The following LDLRAD3 variants were observed in gnomAD, a reference collection of about 807,000 sequenced individuals.
The protein encoded by LDLRAD3 is low density lipoprotein receptor class A domain containing 3.
LDLRAD3 carries 20 observed loss-of-function variants against 29.4 expected under a neutral mutation model. The observed-to-expected ratio is 0.68, with a 90% CI of 0.48 to 0.99. The LOEUF is 0.99. Ranked by LOEUF, LDLRAD3 falls within the 50% of genes least tolerant of loss-of-function variation. The pLI, the probability that LDLRAD3 is intolerant of heterozygous loss-of-function variation, is 0.00. For synonymous variants in LDLRAD3, 157 were observed against 192.7 expected (o/e 0.81, Z 1.53); for missense variants, 420 against 454.3 (o/e 0.92, Z 0.69).
At chr11:36,054,858 T>TGGAA (rs1178216753) in intron 2 of LDLRAD3, among the ~76,000 whole-genome samples, 12 of 148,178 alleles carry the variant, frequency 8.1e-5, no homozygotes, top group Non-Finnish European at 1.3e-4. Context: ...GATGGATGGA[T>TGGAA]GGATGGATGA....
At chr11:36,222,108 C>CA (rs1215898650) in intron 4 of LDLRAD3, among the ~76,000 whole-genome samples, 1 of 152,090 alleles carries the variant, frequency 6.6e-6, no homozygotes, top group Non-Finnish European at 1.5e-5. Context: ...CTCGCTCTGT[C>CA]ACTCAGGCTG....
intron 4 of LDLRAD3, among the ~76,000 whole-genome samples, chr11:36,181,875 CCTCT>C (rs919948286): frequency 2.0e-5 from 3 of 151,906 alleles, no homozygotes; most frequent in Non-Finnish European, 2.9e-5. Flanking sequence ...TCAACCGTCT[CCTCT>C]CTCTCTCTGT....
At chr11:35,952,600 A>T (rs1054606357) in intron 1 of LDLRAD3, among the ~76,000 whole-genome samples, 2 of 152,228 alleles carry the variant, frequency 1.3e-5, no homozygotes, top group African/African-American at 4.8e-5. Flanking sequence ...TGAATATATT[A>T]ATGATAGAGA....
intron 4 of LDLRAD3, among the ~76,000 whole-genome samples, chr11:36,116,321 C>G (rs58583042): frequency 0.023 from 3,533 of 152,276 alleles, 136 homozygotes; most frequent in African/African-American, 0.081. Flanking sequence ...AAGAAGCCAG[C>G]GTCCCAGCTT....
At chr11:36,154,212 C>T (rs1854315538) in intron 4 of LDLRAD3, among the ~76,000 whole-genome samples, 1 of 152,140 alleles carries the variant, frequency 6.6e-6, no homozygotes, top group Non-Finnish European at 1.5e-5. Context: ...GAATGCCACA[C>T]CGACTGAAAG....
In LDLRAD3 at chr11:36,121,166, C is replaced by T. The variant is rs547492467; in HGVS notation, c.454+22705C>T. 2.2e-4 allele frequency among the ~76,000 whole-genome samples: 33 copies of T among 152,248 alleles called. 1 individual carries two copies. The South Asian group carries it at 6.0e-3, about 28-fold the overall frequency. On this transcript the variant is annotated intron_variant, in intron 4 of 5. Coordinates refer to ENST00000315571, the MANE Select transcript of LDLRAD3 (RefSeq NM_174902.4). ...TATGCAATTGGATGAAATGAATAAA[C>T]GACCAGAGGAGTAATCCAGACAGAG...
chr11:36,205,266 T>G (rs932496378), intron 4 of LDLRAD3, among the ~76,000 whole-genome samples: 2 of 152,216 alleles, frequency 1.3e-5, no homozygotes, highest in African/African-American at 4.8e-5. Flanking sequence ...GTCATCATTA[T>G]GAATGCCCCA....
chr11:35,985,947 C>T (rs1851609640), intron 1 of LDLRAD3, among the ~76,000 whole-genome samples: 1 of 151,726 alleles, frequency 6.6e-6, no homozygotes, highest in Non-Finnish European at 1.5e-5. Flanking sequence ...GTGGAAGGTG[C>T]AAAATCTAGG....
At chr11:36,218,664 C>T (rs1011807439) in intron 4 of LDLRAD3, among the ~76,000 whole-genome samples, 4 of 152,178 alleles carry the variant, frequency 2.6e-5, no homozygotes, top group Admixed American at 2.6e-4. Context: ...GTTTTCAAAC[C>T]TGGCAGACCA....
At chr11:36,021,955 C>T (rs1272997095) in intron 1 of LDLRAD3, among the ~76,000 whole-genome samples, 6 of 152,246 alleles carry the variant, frequency 3.9e-5, no homozygotes, top group East Asian at 1.9e-4. Context: ...TGGCCTCAAA[C>T]GTATTTAAAG....
chr11:35,950,009 C>G (rs148789022), intron 1 of LDLRAD3, among the ~76,000 whole-genome samples: 1 of 152,174 alleles, frequency 6.6e-6, no homozygotes, highest in South Asian at 2.1e-4. Flanking sequence ...TTTGGTTGTT[C>G]GTCATTGTGC....
At chr11:36,040,616 G>T (rs530447141) in intron 2 of LDLRAD3, among the ~76,000 whole-genome samples, 1 of 152,018 alleles carries the variant, frequency 6.6e-6, no homozygotes, top group South Asian at 2.1e-4. Context: ...TCCACTATGG[G>T]AAACAGTGCT....
intron 4 of LDLRAD3, among the ~76,000 whole-genome samples, chr11:36,144,371 T>C (rs11486253): frequency 0.3 from 37,074 of 123,306 alleles, 6,429 homozygotes; most frequent in East Asian, 0.53. Flanking sequence ...AAGTGAGGAG[T>C]GTCTCTGCCT....
At chr11:36,228,567 A>G (rs1175715747) in intron 5 of LDLRAD3, among the ~76,000 whole-genome samples, 1 of 152,240 alleles carries the variant, frequency 6.6e-6, no homozygotes, top group African/African-American at 2.4e-5. Context: ...TCTTGTGAGC[A>G]TTAAATAAGG....
chr11:36,103,188 T>G (rs1170090584), intron 4 of LDLRAD3, among the ~76,000 whole-genome samples: 1 of 152,002 alleles, frequency 6.6e-6, no homozygotes, highest in East Asian at 1.9e-4. Context: ...TCTTCATTAA[T>G]TTGGTAACTC....
chr11:36,148,981 A>G (rs1854236398), intron 4 of LDLRAD3, among the ~76,000 whole-genome samples: 1 of 152,224 alleles, frequency 6.6e-6, no homozygotes, highest in Non-Finnish European at 1.5e-5. Flanking sequence ...GCATCCATCC[A>G]TTTAGCCAAC....
intron 4 of LDLRAD3, among the ~76,000 whole-genome samples, chr11:36,167,556 A>G (rs1854533246): frequency 6.6e-6 from 1 of 152,264 alleles, no homozygotes; most frequent in Admixed American, 6.5e-5. Context: ...GCTAAACACA[A>G]TTGATCCAAT....
At chr11:36,186,067 A>T (rs994699569) in intron 4 of LDLRAD3, among the ~76,000 whole-genome samples, 1 of 152,210 alleles carries the variant, frequency 6.6e-6, no homozygotes, top group Non-Finnish European at 1.5e-5. Context: ...AATGAGAGAA[A>T]GTGTAGTATA....
chr11:36,114,094 T>C (rs1035672977), intron 4 of LDLRAD3, among the ~76,000 whole-genome samples: 1 of 152,210 alleles, frequency 6.6e-6, no homozygotes, highest in African/African-American at 2.4e-5. Flanking sequence ...CCACAGACTC[T>C]TTTGGACTGA....
Sources: gnomAD v4.1 joint callset for allele counts (sites outside exome capture counted in the v4.1 genomes callset) on GRCh38, gnomAD v4.1.1 for gene constraint, MANE v1.5 for transcripts, NCBI Gene and HGNC (gene_info 2026-07-23, HGNC 2026-07-21) for gene names.